The following CLTC variants were observed in gnomAD, a reference collection of about 807,000 sequenced individuals.
CLTC encodes the protein clathrin heavy chain 1.
CLTC carries 16 observed loss-of-function variants against 195.8 expected under a neutral mutation model. The observed-to-expected ratio is 0.08, with a 90% CI of 0.06 to 0.12. The LOEUF (loss-of-function observed/expected upper bound fraction) is 0.12, where lower values mean the gene tolerates loss of function less well. CLTC is among the 10% of genes least tolerant of loss of function. The pLI is 1.00. For missense variants in CLTC, 796 were observed against 2,027.0 expected, an observed-to-expected ratio of 0.39 and a Z score of 11.66; for synonymous variants, 667 against 689.4, an observed-to-expected ratio of 0.97 and a Z score of 0.51.
intron 16 of CLTC, among the ~76,000 whole-genome samples, chr17:59,675,835 T>C (rs935168274): frequency 1.3e-5 from 2 of 152,244 alleles, no homozygotes; most frequent in Admixed American, 1.3e-4. Flanking sequence ...TCTAAGTCAC[T>C]AGTCTAGACA....
intron 31 of CLTC, 166 bp downstream of exon 31, chr17:59,690,877 TTGA>T: frequency 2.2e-6 from 1 of 463,462 alleles, no homozygotes; most frequent in Non-Finnish European, 3.8e-6. Context: ...AAAGCAGGTG[TTGA>T]TATTATTCAC....
At chr17:59,675,294 T>C (rs532572533) in intron 16 of CLTC, among the ~76,000 whole-genome samples, 5 of 152,168 alleles carry the variant, frequency 3.3e-5, no homozygotes, top group Non-Finnish European at 7.4e-5. Context: ...TCAATTGATA[T>C]TTAATTTACA....
At chr17:59,643,134 T>G (rs7207419) in intron 1 of CLTC, among the ~76,000 whole-genome samples, 54,421 of 124,952 alleles carry the variant, frequency 0.44, 11,535 homozygotes, top group Non-Finnish European at 0.54. Context: ...TTTTCTGGGG[T>G]GTGTGTGTGT....
Position 59,682,145 on chromosome 17 carries a change from C to A in CLTC, c.3443-126C>A. On this transcript the variant is annotated intron_variant, in intron 21 of 31. Coordinates refer to ENST00000269122, the MANE Select transcript of CLTC (RefSeq NM_004859.4). The surrounding 1 kb of genome is among the most constrained non-coding windows in gnomAD (Gnocchi z 6.8). ...GTGATAATACAGAAGTGAAATATTG[C>A]ACGGTTTACATTTGTCATTATCCAT... 2 of 884,488 alleles carry A rather than the reference C, an allele frequency of 2.3e-6. No homozygotes were observed. Among genetic ancestry groups the A allele is most frequent in the Non-Finnish European group, 3.4e-6 (2 of 585,206 alleles). 54.8% of individuals were successfully genotyped at this position (884,488 alleles called of 1,614,324 possible). A position where few individuals can be genotyped will look rare whatever the true frequency, so the allele number is the denominator to read the frequency against.
At chr17:59,665,998 A>C in intron 10 of CLTC, 105 bp from the exon 11 acceptor site, 2 of 815,836 alleles carry the variant, frequency 2.5e-6, no homozygotes, top group Non-Finnish European at 3.8e-6. Flanking sequence ...AAGTGTTTAT[A>C]TTGTCCAAAT....
chr17:59,637,984 CT>C (rs796214213), intron 1 of CLTC, among the ~76,000 whole-genome samples: 2,132 of 72,518 alleles, frequency 0.029, 120 homozygotes, highest in African/African-American at 0.065. Flanking sequence ...CAAAAACAAA[CT>C]TTAAAAAAAA....
intron 1 of CLTC, among the ~76,000 whole-genome samples, chr17:59,625,270 A>G (rs1455478945): frequency 6.6e-6 from 1 of 151,776 alleles, no homozygotes; most frequent in Non-Finnish European, 1.5e-5. Flanking sequence ...TACCACGCCC[A>G]GCTATTTTTT....
chr17:59,664,059 T>C, intron 9 of CLTC, 65 bp downstream of exon 9: 1 of 1,358,804 alleles, frequency 7.4e-7, no homozygotes, highest in African/African-American at 1.5e-5. Flanking sequence ...AATTAGCCTG[T>C]ATTAACTCTT....
chr17:59,624,478 T>C (rs1271512551), intron 1 of CLTC, among the ~76,000 whole-genome samples: 1 of 142,622 alleles, frequency 7.0e-6, no homozygotes, highest in Non-Finnish European at 1.5e-5. Context: ...TTTTTTTTTT[T>C]TGAGACAGAG....
At chr17:59,660,349 A>C (rs1184322961) in intron 6 of CLTC, 42 bp from the exon 7 acceptor site, 1 of 1,555,308 alleles carries the variant, frequency 6.4e-7, no homozygotes, top group African/African-American at 1.4e-5. Flanking sequence ...ATTTGTATCC[A>C]AATGAACACA....
Position 59,639,366 on chromosome 17 carries a change from AAAC to A in CLTC, c.43-4907_43-4905del, listed in dbSNP as rs748217627. 9.8e-5 allele frequency among the ~76,000 whole-genome samples: 15 copies of A among 152,308 alleles called. No individual in the cohort carries two copies. In the South Asian group the frequency reaches 2.9e-3, roughly 29 times the overall value. On this transcript the variant is annotated intron_variant, in intron 1 of 31. Coordinates refer to ENST00000269122, the MANE Select transcript of CLTC (RefSeq NM_004859.4). The stretch of plus-strand genomic sequence containing the variant: ...GTATGCACGTGATAACTATTCAAAA[AAAC>A]AAGCCCCTTTTTTTGGACCCAGTTT...
Position 59,696,264 on chromosome 17 carries a change from T to G in CLTC, c.*2412T>G, listed in dbSNP as rs927587711. The G allele has an allele frequency of 1.3e-5, 3 of 222,286 alleles. No individual in the cohort carries two copies. The highest frequency in any genetic ancestry group is 6.7e-5 in the African/African-American group (3 of 44,720). 13.8% of individuals were successfully genotyped at this position (222,286 alleles called of 1,614,324 possible). ...CACAGTTGCAATTTTTCTCCTGTGC[T>G]GTCATATGCCTGTGCGAAGTGTATT... On this transcript the variant is annotated 3_prime_UTR_variant, in exon 32 of 32. Transcript: ENST00000269122.
chr17:59,667,666 A>G (rs549018532), intron 13 of CLTC, among the ~76,000 whole-genome samples: 1 of 152,350 alleles, frequency 6.6e-6, no homozygotes, highest in Admixed American at 6.5e-5. Flanking sequence ...AATATTTAGT[A>G]GAATATTCAG....
At chr17:59,664,069 T>A in intron 9 of CLTC, 75 bp downstream of exon 9, 3 of 1,246,242 alleles carry the variant, frequency 2.4e-6, no homozygotes, top group Non-Finnish European at 3.4e-6. Flanking sequence ...TATTAACTCT[T>A]GATTACTTTA....
At chr17:59,641,179 T>C (rs933917193) in intron 1 of CLTC, among the ~76,000 whole-genome samples, 1 of 151,802 alleles carries the variant, frequency 6.6e-6, no homozygotes, top group Non-Finnish European at 1.5e-5. Context: ...GTGTTTTAAC[T>C]CAAACTGGGA....
chr17:59,671,554 TTG>T (rs1422796379), intron 14 of CLTC, among the ~76,000 whole-genome samples: 4 of 152,196 alleles, frequency 2.6e-5, no homozygotes, highest in Admixed American at 6.5e-5. Context: ...CAGGATAAAA[TTG>T]TGTCATTAGC....
chr17:59,643,191 T>C (rs1046190251), intron 1 of CLTC, among the ~76,000 whole-genome samples: 1 of 150,340 alleles, frequency 6.7e-6, no homozygotes, highest in African/African-American at 2.5e-5. Context: ...GCGAATTTAT[T>C]ATATTACCTT....
At chr17:59,629,712 G>A (rs1232413368) in intron 1 of CLTC, among the ~76,000 whole-genome samples, 14 of 151,832 alleles carry the variant, frequency 9.2e-5, no homozygotes, top group Non-Finnish European at 2.1e-4. Context: ...GTACAGATGG[G>A]ATTTCACCAT....
chr17:59,620,949 G>T (rs1449067304), intron 1 of CLTC, among the ~76,000 whole-genome samples: 1 of 152,194 alleles, frequency 6.6e-6, no homozygotes, highest in East Asian at 1.9e-4. Context: ...AGGTAGGAAA[G>T]AGTGATACAG....
Sources: gnomAD v4.1 joint callset for allele counts (sites outside exome capture counted in the v4.1 genomes callset) on GRCh38, gnomAD v4.1.1 for gene constraint, Gnocchi (gnomAD v3.1) non-coding constraint, MANE v1.5 for transcripts, NCBI Gene and HGNC (gene_info 2026-07-23, HGNC 2026-07-21) for gene names.